DPP10: variants seen among roughly 807,000 people sequenced by gnomAD.
The protein encoded by DPP10 is dipeptidyl peptidase like 10, also known as inactive dipeptidyl peptidase 10.
In DPP10, 33 loss-of-function variants were observed where a neutral mutation model predicts 120.9. The observed-to-expected ratio is 0.27, with a 90% CI of 0.21 to 0.37. The LOEUF is 0.37. Ranked by LOEUF, DPP10 falls within the 10% of genes least tolerant of loss-of-function variation. DPP10 has a pLI of 1.00. For missense variants in DPP10, 816 were observed against 942.8 expected (o/e 0.87, Z 1.76); for synonymous variants, 337 against 326.1 (o/e 1.03, Z -0.36).
intron 1 of DPP10, among the ~76,000 whole-genome samples, chr2:115,149,547 CA>C (rs1262849718): frequency 1.3e-5 from 2 of 152,178 alleles, no homozygotes; most frequent in African/African-American, 4.8e-5. Context: ...GGAGGCTTTT[CA>C]AGGTTAACTT....
chr2:115,269,634 C>T (rs1209708738), intron 1 of DPP10, among the ~76,000 whole-genome samples: 1 of 152,158 alleles, frequency 6.6e-6, no homozygotes. Flanking sequence ...CATGACATGG[C>T]AACTGGTTTC....
intron 1 of DPP10, among the ~76,000 whole-genome samples, chr2:114,831,746 T>C (rs1420733938): frequency 6.6e-6 from 1 of 151,794 alleles, no homozygotes; most frequent in African/African-American, 2.4e-5. Flanking sequence ...TTAACTGAAA[T>C]ACAGTACCAC....
chr2:114,464,106 G>A (rs184837334), intron 1 of DPP10, among the ~76,000 whole-genome samples: 17 of 152,256 alleles, frequency 1.1e-4, no homozygotes, highest in African/African-American at 3.9e-4. Flanking sequence ...ACATTCAGGT[G>A]CAGGTTTTTG....
chr2:115,265,868 C>G (rs1052881534), intron 1 of DPP10, among the ~76,000 whole-genome samples: 5 of 151,082 alleles, frequency 3.3e-5, no homozygotes, highest in Admixed American at 3.3e-4. Flanking sequence ...TGCTTGAACC[C>G]GGGAGGTTGA....
chr2:115,180,541 A>G (rs2054003656), intron 1 of DPP10, among the ~76,000 whole-genome samples: 2 of 152,296 alleles, frequency 1.3e-5, no homozygotes, highest in Non-Finnish European at 2.9e-5. Flanking sequence ...ACGGTGATAT[A>G]GGGAAGTTTA....
At chr2:114,515,163 A>G (rs184802969) in intron 1 of DPP10, among the ~76,000 whole-genome samples, 1 of 152,324 alleles carries the variant, frequency 6.6e-6, no homozygotes, top group African/African-American at 2.4e-5. Context: ...TCATCTCACG[A>G]TCAGGTTTAC....
intron 3 of DPP10, among the ~76,000 whole-genome samples, chr2:115,453,894 C>A (rs2073319748): frequency 6.6e-6 from 1 of 151,190 alleles, no homozygotes; most frequent in African/African-American, 2.4e-5. Flanking sequence ...ATTACCAAGA[C>A]TGACAATGAA....
At chr2:115,570,698 T>G (rs566794070) in intron 5 of DPP10, among the ~76,000 whole-genome samples, 1 of 152,352 alleles carries the variant, frequency 6.6e-6, no homozygotes, top group East Asian at 1.9e-4. Context: ...AAAATAAAGT[T>G]ATTTTGTTAA....
intron 1 of DPP10, among the ~76,000 whole-genome samples, chr2:115,125,751 T>C (rs2050047925): frequency 6.6e-6 from 1 of 151,948 alleles, no homozygotes; most frequent in Non-Finnish European, 1.5e-5. Flanking sequence ...TTCTTTTTTT[T>C]TTCTGTATTT....
At chr2:114,791,951 A>C (rs1005721312) in intron 1 of DPP10, among the ~76,000 whole-genome samples, 4 of 152,188 alleles carry the variant, frequency 2.6e-5, no homozygotes, top group Non-Finnish European at 2.9e-5. Context: ...TTCTTCTAGC[A>C]TTTGATGGCA....
intron 1 of DPP10, among the ~76,000 whole-genome samples, chr2:114,694,464 C>A (rs1699951198): frequency 6.6e-6 from 1 of 151,488 alleles, no homozygotes; most frequent in South Asian, 2.1e-4. Context: ...ACTCAGATAC[C>A]AATTCTCTCA....
intron 3 of DPP10, among the ~76,000 whole-genome samples, chr2:115,410,699 C>A (rs1274133313): frequency 1.3e-5 from 2 of 152,178 alleles, no homozygotes; most frequent in Non-Finnish European, 2.9e-5. Context: ...GGATAAAAGA[C>A]TACACATTGG....
chr2:115,409,018 A>G (rs74718757), intron 3 of DPP10, among the ~76,000 whole-genome samples: 5,806 of 152,130 alleles, frequency 0.038, 400 homozygotes, highest in African/African-American at 0.13. Flanking sequence ...AAATTTGTCC[A>G]TTTTTAAAGA....
At chr2:115,211,477 T>C (rs1438572261) in intron 1 of DPP10, among the ~76,000 whole-genome samples, 4 of 152,196 alleles carry the variant, frequency 2.6e-5, no homozygotes, top group African/African-American at 9.6e-5. Flanking sequence ...AGTAGTCATC[T>C]ACCTTCCATC....
chr2:114,734,081 A>C (rs969675759), intron 1 of DPP10, among the ~76,000 whole-genome samples: 1 of 152,190 alleles, frequency 6.6e-6, no homozygotes, highest in Non-Finnish European at 1.5e-5. Flanking sequence ...CCCTGGCATA[A>C]CACTATGAGA....
At chr2:114,587,017 G>A (rs1185953227) in intron 1 of DPP10, among the ~76,000 whole-genome samples, 1 of 152,118 alleles carries the variant, frequency 6.6e-6, no homozygotes, top group Admixed American at 6.6e-5. Context: ...TACAGCCTAG[G>A]CCGGGTGCAG....
At chr2:115,821,072 A>T (rs1687771055) in intron 21 of DPP10, among the ~76,000 whole-genome samples, 1 of 152,176 alleles carries the variant, frequency 6.6e-6, no homozygotes, top group African/African-American at 2.4e-5. Context: ...GTACTAGTTT[A>T]CATTTTTAAA....
intron 1 of DPP10, among the ~76,000 whole-genome samples, chr2:115,286,540 T>C: frequency 9.3e-6 from 1 of 107,342 alleles, no homozygotes; most frequent in East Asian, 2.6e-4. Context: ...TATATATATA[T>C]AAAATATATA....
At chr2:115,024,897 T>G (rs977180464) in intron 1 of DPP10, among the ~76,000 whole-genome samples, 7 of 149,826 alleles carry the variant, frequency 4.7e-5, no homozygotes, top group African/African-American at 1.7e-4. Context: ...TACCCTAATT[T>G]CATCTTTATA....
Sources: allele counts gnomAD v4.1 joint callset (sites outside exome capture counted in the v4.1 genomes callset), GRCh38; gene constraint gnomAD v4.1.1; transcripts MANE v1.5; gene names NCBI Gene and HGNC (gene_info 2026-07-23, HGNC 2026-07-21).